JMJD1C: variants seen among roughly 807,000 people sequenced by gnomAD.
JMJD1C encodes jumonji domain-containing protein 1C.
Under a neutral mutation model 245.3 loss-of-function variants are expected in JMJD1C, and 31 were observed. The ratio of observed to expected loss-of-function variants is 0.13; its 90% CI spans 0.09 to 0.17. The LOEUF (loss-of-function observed/expected upper bound fraction) is 0.17. Ranked by LOEUF, JMJD1C falls within the 10% of genes least tolerant of loss-of-function variation. JMJD1C has a pLI of 1.00. For missense variants in JMJD1C, 2,691 were observed against 3,000.2 expected (o/e 0.90, Z 2.41); for synonymous variants, 1,057 against 1,017.4 (o/e 1.04, Z -0.74).
At chr10:63,470,917 TAAAA>T (rs1953471840), upstream of JMJD1C, among the ~76,000 whole-genome samples, 1 of 152,152 alleles carries the variant, frequency 6.6e-6, no homozygotes, top group African/African-American at 2.4e-5. Flanking sequence ...TTTTTAATGA[TAAAA>T]AATTAAAAAT....
rs1211611901 is a variant in JMJD1C at position 63,380,497 on chromosome 10, A to C, written c.169-15T>G. 1 of 1,595,144 alleles carries C rather than the reference A, an allele frequency of 6.3e-7. No homozygotes were observed. Among genetic ancestry groups the C allele is most frequent in the South Asian group, 1.1e-5 (1 of 88,750 alleles). ...TCCACATACACCTATGAAAACAAAA[A>C]CACAAAATTCAATTAGCAAAATAGA... On this transcript the variant is annotated splice_polypyrimidine_tract_variant and intron_variant, in intron 1 of 25. Transcript: ENST00000399262.
intron 2 of JMJD1C, among the ~76,000 whole-genome samples, chr10:63,320,138 T>A (rs1267926260): frequency 6.6e-6 from 1 of 152,214 alleles, no homozygotes; most frequent in Non-Finnish European, 1.5e-5. Flanking sequence ...ACTCCTGGCT[T>A]CAAGTGATTC....
rs56364516 is a variant in JMJD1C at position 63,440,365 on chromosome 10, T to TAGAGAG, written c.168+25124_168+25129dup. On this transcript the variant is annotated intron_variant, in intron 1 of 25. Transcript: ENST00000399262. ...GAAAAAAAAAAAAAATATATATATATAGAGAGAGAGAGAGAGAGAGAGAGC... is the reference window on the plus strand; with the variant it reads ...GAAAAAAAAAAAAAATATATATATATAGAGAGAGAGAGAGAGAGAGAGAGAGAGAGC... 3.2e-3 allele frequency among the ~76,000 whole-genome samples: 439 copies of TAGAGAG among 138,222 alleles called. 2 individuals are homozygous for TAGAGAG. The highest frequency in any genetic ancestry group is 0.011 in the African/African-American group (400 of 37,498). 90.7% of individuals were successfully genotyped at this position (138,222 alleles called of 152,430 possible). A position where few individuals can be genotyped will look rare whatever the true frequency, so the allele number is the denominator to read the frequency against.
In JMJD1C at chr10:63,386,062, CTAAAAAATGTGAAACA is replaced by C. The variant is rs1327674102; in HGVS notation, c.169-5596_169-5581del. On this transcript the variant is annotated intron_variant, in intron 1 of 25. Transcript: ENST00000399262. ...AACTCTCTTTGGATGCAGGCTAACCCTAAAAAATGTGAAACATACACACATACACAGACACACACAC... is the reference window on the plus strand; with the variant it reads ...AACTCTCTTTGGATGCAGGCTAACCCTACACACATACACAGACACACACAC... Among the ~76,000 whole-genome samples the C allele has an allele frequency of 2.6e-5, 4 of 151,834 alleles. No individual in the cohort carries two copies. In the East Asian group the frequency reaches 7.8e-4, roughly 29 times the overall value.
intron 3 of JMJD1C, among the ~76,000 whole-genome samples, chr10:63,233,953 C>A (rs1564653763): frequency 6.6e-6 from 1 of 151,908 alleles, no homozygotes; most frequent in African/African-American, 2.4e-5. Context: ...AAGACTGATG[C>A]CAACAATTTA....
chr10:63,174,591 T>C (rs1842704112), intron 24 of JMJD1C, among the ~76,000 whole-genome samples: 2 of 152,282 alleles, frequency 1.3e-5, no homozygotes, highest in African/African-American at 2.4e-5. Context: ...CCCAGCACTT[T>C]GGGAGGCCAA....
chr10:63,447,105 A>G (rs964209748), intron 1 of JMJD1C, among the ~76,000 whole-genome samples: 1 of 152,118 alleles, frequency 6.6e-6, no homozygotes, highest in African/African-American at 2.4e-5. Context: ...CAGTATTTAA[A>G]TAAAAATTCA....
chr10:63,507,025 C>A (rs1208599861), intron 1 of JMJD1C, among the ~76,000 whole-genome samples: 1 of 152,180 alleles, frequency 6.6e-6, no homozygotes. Flanking sequence ...ATACACTGTG[C>A]AGCCTTTTCA....
At chr10:63,268,300 C>A (rs1447817990) in intron 2 of JMJD1C, among the ~76,000 whole-genome samples, 1 of 148,548 alleles carries the variant, frequency 6.7e-6, no homozygotes, top group East Asian at 2.0e-4. Context: ...CCAAGCAGGT[C>A]TATTGAAAAA....
At chr10:63,265,941 G>A (rs1341395435) in intron 2 of JMJD1C, among the ~76,000 whole-genome samples, 20 of 152,034 alleles carry the variant, frequency 1.3e-4, no homozygotes, top group Admixed American at 1.3e-3. Context: ...ACATACTCCA[G>A]GGAAAAACTT....
At chr10:63,304,282 T>C (rs1219596435) in intron 2 of JMJD1C, among the ~76,000 whole-genome samples, 2 of 152,154 alleles carry the variant, frequency 1.3e-5, no homozygotes, top group African/African-American at 4.8e-5. Flanking sequence ...ATAACTCATA[T>C]TGGATATCAG....
Position 63,184,594 on chromosome 10 carries a change from G to C in JMJD1C, c.6961+14C>G. 1.9e-6 allele frequency: 3 copies of C among 1,584,334 alleles called. No individual in the cohort carries two copies. The highest frequency in any genetic ancestry group is 2.6e-6 in the Non-Finnish European group (3 of 1,171,458). Reference sequence around the variant, plus strand: ...TATAATTCCTACATGGGAGAAATGTGAATATATACCTACCATAGGCACTGC... The same window carrying C: ...TATAATTCCTACATGGGAGAAATGTCAATATATACCTACCATAGGCACTGC... On this transcript the variant is annotated intron_variant, in intron 21 of 25. Transcript: ENST00000399262.
intron 2 of JMJD1C, among the ~76,000 whole-genome samples, chr10:63,345,488 CAAA>C (rs34551660): frequency 5.0e-5 from 5 of 100,464 alleles, no homozygotes; most frequent in Non-Finnish European, 8.0e-5. Context: ...GACTTTGTCT[CAAA>C]AAAAAAAAAA....
chr10:63,493,713 T>C (rs1954256414), intron 1 of JMJD1C, among the ~76,000 whole-genome samples: 1 of 152,324 alleles, frequency 6.6e-6, no homozygotes, highest in East Asian at 1.9e-4. Flanking sequence ...AACAGAAGCA[T>C]AAATGTTCTC....
chr10:63,337,847 T>A (rs533621395), intron 2 of JMJD1C, among the ~76,000 whole-genome samples: 1 of 152,168 alleles, frequency 6.6e-6, no homozygotes, highest in Non-Finnish European at 1.5e-5. Flanking sequence ...ATTACTATAG[T>A]AAGAAATCTC....
At chr10:63,211,479 A>T (rs1589158451) in intron 8 of JMJD1C, among the ~76,000 whole-genome samples, 1 of 151,624 alleles carries the variant, frequency 6.6e-6, no homozygotes, top group Non-Finnish European at 1.5e-5. Flanking sequence ...AAAAAAAAAA[A>T]AAAGTTTATC....
intron 1 of JMJD1C, among the ~76,000 whole-genome samples, chr10:63,427,084 A>G (rs1950484152): frequency 6.6e-6 from 1 of 152,222 alleles, no homozygotes; most frequent in African/African-American, 2.4e-5. Context: ...GTCCACACTT[A>G]TAACAGCATT....
chr10:63,214,370 G>A lies in JMJD1C; in HGVS notation c.1797C>T (p.Tyr599=), dbSNP rs1379593322. ...LNMEKEKYVS[Y]ISPLSAVSVM... The stretch of plus-strand genomic sequence containing the variant: ...CAGAAACTGCACTTAAAGGAGAAAT[G>A]TAAGAGACATACTTCTCTTTTTCCA... The change falls in exon 8 of 26, where the codon TAC becomes TAT. Residue 599 remains tyrosine, a synonymous_variant. Coordinates refer to ENST00000399262, the MANE Select transcript of JMJD1C (RefSeq NM_032776.3). The A allele has an allele frequency of 2.5e-6, 4 of 1,613,836 alleles. No homozygotes were observed. The highest frequency in any genetic ancestry group is 1.3e-5 in the African/African-American group (1 of 74,922).
chr10:63,426,892 G>A (rs1202467782), intron 1 of JMJD1C, among the ~76,000 whole-genome samples: 1 of 152,134 alleles, frequency 6.6e-6, no homozygotes, highest in Non-Finnish European at 1.5e-5. Flanking sequence ...CTCCATTACT[G>A]ATTTAGCATA....
Sources: gnomAD v4.1 joint callset for allele counts (sites outside exome capture counted in the v4.1 genomes callset) on GRCh38, gnomAD v4.1.1 for gene constraint, MANE v1.5 for transcripts, NCBI Gene and HGNC (gene_info 2026-07-23, HGNC 2026-07-21) for gene names.